Variants in KCTD20 observed in about 807,000 individuals in gnomAD.
KCTD20 encodes the protein BTB/POZ domain-containing protein KCTD20.
Under a neutral mutation model 39.6 loss-of-function variants are expected in KCTD20, and 30 were observed. That is an observed-to-expected ratio of 0.76 (90% CI 0.57 to 1.03). The LOEUF (loss-of-function observed/expected upper bound fraction) is 1.03, where lower values mean the gene tolerates loss of function less well. Among genes scored for constraint, KCTD20 ranks in the 50% least tolerant of loss-of-function variants. KCTD20 has a pLI of 0.00. For missense variants in KCTD20, 422 were observed against 522.0 expected (o/e 0.81, Z 1.87); for synonymous variants, 162 against 180.6 (o/e 0.90, Z 0.83).
intron 1 of KCTD20, among the ~76,000 whole-genome samples, chr6:36,467,238 G>T (rs549976228): frequency 6.1e-5 from 9 of 147,120 alleles, no homozygotes; most frequent in Non-Finnish European, 1.2e-4. Flanking sequence ...AACCCAGGAG[G>T]TGGAGGTTGC....
chr6:36,453,070 C>T (rs898895708), intron 1 of KCTD20, among the ~76,000 whole-genome samples: 4 of 137,016 alleles, frequency 2.9e-5, no homozygotes, highest in African/African-American at 5.6e-5. Flanking sequence ...TGCAGTGGCG[C>T]GATCTTGGCT....
chr6:36,448,015 G>GTGTGTGTGTATA (rs559687288), intron 1 of KCTD20, among the ~76,000 whole-genome samples: 9 of 128,938 alleles, frequency 7.0e-5, no homozygotes, highest in African/African-American at 2.8e-4. Context: ...ATGTGTGTGT[G>GTGTGTGTGTATA]TATATATATA....
intron 1 of KCTD20, among the ~76,000 whole-genome samples, chr6:36,464,838 AT>A (rs1419353589): frequency 2.6e-5 from 4 of 152,220 alleles, no homozygotes; most frequent in Non-Finnish European, 1.5e-5. Context: ...TGGCAAAGAT[AT>A]AACTACTTCT....
intron 1 of KCTD20, among the ~76,000 whole-genome samples, chr6:36,461,061 T>C (rs748809363): frequency 9.2e-5 from 14 of 152,196 alleles, no homozygotes; most frequent in African/African-American, 1.4e-4. Flanking sequence ...ATGTGTTAAA[T>C]CAATTAAGTT....
At chr6:36,480,409 CCTTT>C (rs888620218) in intron 5 of KCTD20, among the ~76,000 whole-genome samples, 3 of 139,554 alleles carry the variant, frequency 2.1e-5, no homozygotes, top group South Asian at 2.2e-4. Flanking sequence ...CATGATATTG[CCTTT>C]TTTTTTTTTT....
At chr6:36,465,769 T>C (rs1202674334) in intron 1 of KCTD20, 2 of 152,156 alleles carry the variant, frequency 1.3e-5, no homozygotes, top group Non-Finnish European at 2.9e-5. Context: ...ATAAAATATA[T>C]ACTCTTAAAA....
intron 3 of KCTD20, among the ~76,000 whole-genome samples, chr6:36,477,050 T>C (rs995030598): frequency 3.3e-5 from 5 of 151,964 alleles, no homozygotes; most frequent in Non-Finnish European, 5.9e-5. Context: ...AAGAGGAGAG[T>C]CTGGTTCTTT....
At chr6:36,473,567 T>TA (rs909089360) in intron 2 of KCTD20, among the ~76,000 whole-genome samples, 1 of 151,406 alleles carries the variant, frequency 6.6e-6, no homozygotes, top group African/African-American at 2.4e-5. Context: ...GATCAGGAGA[T>TA]AGAGACCATC....
At chr6:36,471,942 G>A (rs1038126412) in intron 2 of KCTD20, among the ~76,000 whole-genome samples, 47 of 151,502 alleles carry the variant, frequency 3.1e-4, no homozygotes, top group African/African-American at 1.1e-3. Context: ...TCCGCCTCCC[G>A]GGTTCACGCT....
chr6:36,456,906 G>A (rs1775454780), intron 1 of KCTD20, among the ~76,000 whole-genome samples: 1 of 152,106 alleles, frequency 6.6e-6, no homozygotes, highest in African/African-American at 2.4e-5. Context: ...CTCCTCTCAT[G>A]CAAACCTTGG....
chr6:36,475,586 T>C (rs1309453786), intron 3 of KCTD20, among the ~76,000 whole-genome samples: 3 of 151,942 alleles, frequency 2.0e-5, no homozygotes, highest in Non-Finnish European at 2.9e-5. Flanking sequence ...TATAGTAAAA[T>C]GAGCCCCACA....
chr6:36,485,619 G>T (rs754885796), intron 7 of KCTD20, among the ~76,000 whole-genome samples: 5 of 150,290 alleles, frequency 3.3e-5, no homozygotes, highest in Non-Finnish European at 5.9e-5. Context: ...TCAGCCTCTC[G>T]AGTAGCTGGG....
chr6:36,480,190 T>C (rs895864476), intron 5 of KCTD20, among the ~76,000 whole-genome samples: 10 of 152,148 alleles, frequency 6.6e-5, no homozygotes, highest in Admixed American at 3.9e-4. Context: ...TTTCCTCTCT[T>C]AGTTCAAAGC....
At chr6:36,483,867 T>TA (rs563284357) in intron 6 of KCTD20, among the ~76,000 whole-genome samples, 60 of 149,298 alleles carry the variant, frequency 4.0e-4, no homozygotes, top group South Asian at 2.8e-3. Context: ...TCTTAGTAAG[T>TA]AAAAAAAAAC....
rs1233963322 is a variant in KCTD20 at position 36,469,077 on chromosome 6, C to CA, written c.-46-974dup. The stretch of plus-strand genomic sequence containing the variant: ...CACATGCTTGGTATGCCAGGAAATT[C>CA]AGAGTATTAAAATGCATTACTGCCC... On this transcript the variant is annotated intron_variant, in intron 1 of 7. Transcript: ENST00000373731. This position sits in a 1 kb window ranked among gnomAD's most constrained non-coding sequence, Gnocchi z 4.6. Among the ~76,000 whole-genome samples the CA allele has an allele frequency of 5.3e-5, 8 of 152,154 alleles. No individual in the cohort carries two copies. Among genetic ancestry groups the CA allele is most frequent in the African/African-American group, 1.9e-4 (8 of 41,420 alleles).
At chr6:36,476,372 T>C (rs1776061861) in intron 3 of KCTD20, among the ~76,000 whole-genome samples, 1 of 151,906 alleles carries the variant, frequency 6.6e-6, no homozygotes, top group Non-Finnish European at 1.5e-5. Flanking sequence ...CTAGGCTAAA[T>C]AGAATCCAGC....
chr6:36,464,459 C>G (rs1363311578), intron 1 of KCTD20, among the ~76,000 whole-genome samples: 2 of 152,162 alleles, frequency 1.3e-5, no homozygotes, highest in East Asian at 3.9e-4. Flanking sequence ...GCTGGGACAA[C>G]AAGTGTACAC....
intron 2 of KCTD20, among the ~76,000 whole-genome samples, chr6:36,472,559 G>A (rs1203527173): frequency 6.6e-6 from 1 of 151,634 alleles, no homozygotes; most frequent in African/African-American, 2.4e-5. Context: ...TTCAAAAAGG[G>A]CTTGAAGAAA....
chr6:36,459,093 A>G (rs537340342), intron 1 of KCTD20, among the ~76,000 whole-genome samples: 71 of 152,246 alleles, frequency 4.7e-4, no homozygotes, highest in Non-Finnish European at 8.2e-4. Flanking sequence ...ATCACTTGAT[A>G]TCAAGGTCAA....
Sources: allele counts gnomAD v4.1 joint callset (sites outside exome capture counted in the v4.1 genomes callset), GRCh38; gene constraint gnomAD v4.1.1; non-coding constraint Gnocchi (gnomAD v3.1); transcripts MANE v1.5; gene names NCBI Gene and HGNC (gene_info 2026-07-23, HGNC 2026-07-21).